Variants in ELF2 observed in about 807,000 individuals in gnomAD.
The protein encoded by ELF2 is ETS-related transcription factor Elf-2.
In ELF2, 11 loss-of-function variants were observed where a neutral mutation model predicts 54.8. The observed-to-expected ratio is 0.20, with a 90% CI of 0.13 to 0.33. The LOEUF (loss-of-function observed/expected upper bound fraction) is 0.33, where lower values mean the gene tolerates loss of function less well. ELF2 is among the 10% of genes least tolerant of loss of function. The probability of loss-of-function intolerance (pLI) is 1.00; values close to 1 mark genes in which losing one functional copy is unlikely to be tolerated. For missense variants in ELF2, 513 were observed against 703.0 expected, an observed-to-expected ratio of 0.73 and a Z score of 3.06; for synonymous variants, 203 against 245.1, an observed-to-expected ratio of 0.83 and a Z score of 1.61.
At chr4:139,087,113 T>C (rs1732061673) in intron 4 of ELF2, among the ~76,000 whole-genome samples, 1 of 152,230 alleles carries the variant, frequency 6.6e-6, no homozygotes, top group Non-Finnish European at 1.5e-5. Flanking sequence ...TGATCTGACT[T>C]AGGTTCATGT....
chr4:139,057,356 G>A lies in ELF2; in HGVS notation c.*1627C>T, dbSNP rs1179788895. Reference sequence around the variant, plus strand: ...AAACAATTTCTGACCTAAGTAGTATGTGATCAATTAAAAGACAAAAAATAT... The same window carrying A: ...AAACAATTTCTGACCTAAGTAGTATATGATCAATTAAAAGACAAAAAATAT... On this transcript the variant is annotated 3_prime_UTR_variant, in exon 10 of 10. Coordinates refer to ENST00000686138, the MANE Select transcript of ELF2 (RefSeq NM_001331036.3). The A allele has an allele frequency of 6.6e-6, 1 of 152,178 alleles. No individual in the cohort carries two copies. The highest frequency in any genetic ancestry group is 1.5e-5 in the Non-Finnish European group (1 of 68,032). 9.4% of individuals were successfully genotyped at this position (152,178 alleles called of 1,614,324 possible).
chr4:139,059,664 T>C, intron 9 of ELF2, 57 bp from the exon 10 acceptor site: 11 of 1,547,294 alleles, frequency 7.1e-6, no homozygotes, highest in Non-Finnish European at 9.5e-6. Context: ...AGAAAATAGG[T>C]CTCCTGAGTA....
At chr4:139,113,514 T>TCG (rs1735200453) in intron 4 of ELF2, among the ~76,000 whole-genome samples, 1 of 150,104 alleles carries the variant, frequency 6.7e-6, no homozygotes, top group Non-Finnish European at 1.5e-5. Flanking sequence ...TGAGCCAAGA[T>TCG]CGTGCCACTG....
chr4:139,062,049 TTG>T lies in ELF2; in HGVS notation c.620_621del (p.Thr207AsnfsTer14). ...TCTAAAAGAAACTCCCACAAATAGG[TTG>T]TGTTTCCTTTAAAAACAATGACAGA... Reference protein sequence around the residue: ...KKKPREGKGNTTYLWEFLLDL... With the variant: ...KKKPREGKGNXTYLWEFLLDL... On this transcript the variant is annotated frameshift_variant, in exon 8 of 10. Transcript: ENST00000686138. LOFTEE classifies it high-confidence loss of function. 6.2e-7 allele frequency: 1 copy of T among 1,611,028 alleles called. No homozygotes were observed. Among genetic ancestry groups the T allele is most frequent in the Non-Finnish European group, 8.5e-7 (1 of 1,179,168 alleles).
chr4:139,127,217 G>GA (rs2148839931), intron 3 of ELF2, among the ~76,000 whole-genome samples: 1 of 152,304 alleles, frequency 6.6e-6, no homozygotes, highest in South Asian at 2.1e-4. Context: ...GTTGGAGGAA[G>GA]ATTACCATGG....
At chr4:139,166,664 C>A (rs199541162) in intron 1 of ELF2, among the ~76,000 whole-genome samples, 8 of 152,040 alleles carry the variant, frequency 5.3e-5, no homozygotes, top group Non-Finnish European at 1.0e-4. Flanking sequence ...GTCAGGAGAT[C>A]GAGACCATCC....
At chr4:139,116,313 T>A (rs1735710674) in intron 4 of ELF2, among the ~76,000 whole-genome samples, 1 of 151,514 alleles carries the variant, frequency 6.6e-6, no homozygotes. Context: ...AAAACACTTA[T>A]TAAAAATTTA....
intron 3 of ELF2, among the ~76,000 whole-genome samples, chr4:139,129,328 T>C (rs542178621): frequency 1.3e-5 from 2 of 152,306 alleles, no homozygotes; most frequent in African/African-American, 4.8e-5. Flanking sequence ...ATCCTCAGTG[T>C]CTCCTTTCTT....
intron 3 of ELF2, among the ~76,000 whole-genome samples, chr4:139,131,897 A>C (rs566521860): frequency 1.4e-4 from 21 of 152,262 alleles, no homozygotes; most frequent in Admixed American, 1.2e-3. Flanking sequence ...AGGCAGTTAG[A>C]GCTATATACT....
At chr4:139,171,461 TCTG>T (rs767851683) in intron 1 of ELF2, among the ~76,000 whole-genome samples, 1 of 151,962 alleles carries the variant, frequency 6.6e-6, no homozygotes, top group Admixed American at 6.6e-5. Flanking sequence ...ATCGCCAAGG[TCTG>T]CTTTTTCACA....
intron 4 of ELF2, among the ~76,000 whole-genome samples, chr4:139,076,647 T>C (rs1206994465): frequency 6.6e-6 from 1 of 152,158 alleles, no homozygotes; most frequent in Non-Finnish European, 1.5e-5. Flanking sequence ...TCAATAATAA[T>C]ACAGCAAGAG....
intron 1 of ELF2, among the ~76,000 whole-genome samples, chr4:139,164,282 A>AT (rs1244443275): frequency 6.6e-6 from 1 of 151,504 alleles, no homozygotes; most frequent in Non-Finnish European, 1.5e-5. Flanking sequence ...AGGAAGGAAG[A>AT]TTTTTTCATA....
intron 1 of ELF2, among the ~76,000 whole-genome samples, chr4:139,170,716 C>CAT (rs1553978323): frequency 1.4e-5 from 2 of 142,724 alleles, no homozygotes; most frequent in African/African-American, 2.6e-5. Flanking sequence ...TATTACATTA[C>CAT]ATTATATTAT....
intron 1 of ELF2, among the ~76,000 whole-genome samples, chr4:139,156,945 C>T (rs976567271): frequency 2.6e-5 from 4 of 152,154 alleles, no homozygotes; most frequent in Admixed American, 6.5e-5. Context: ...TAATCTTACA[C>T]ATATATTCTT....
Position 139,177,034 on chromosome 4 carries a change from G to C in ELF2, c.-319C>G, listed in dbSNP as rs1204726697. 6.6e-6 allele frequency: 1 copy of C among 152,314 alleles called. No homozygotes were observed. The highest frequency in any genetic ancestry group is 2.4e-5 in the African/African-American group (1 of 41,450). The allele number at this position is 152,314 out of a possible 1,614,324, so 9.4% of individuals were successfully genotyped here. ...CTCTCAGCAGGGCCGCGGACTAGCCGCCGCCGTTGGCCGAGCGTCCGGAGG... is the reference window on the plus strand; with the variant it reads ...CTCTCAGCAGGGCCGCGGACTAGCCCCCGCCGTTGGCCGAGCGTCCGGAGG... On this transcript the variant is annotated 5_prime_UTR_variant, in exon 1 of 10. Transcript: ENST00000686138.
At position 139,059,066 on chromosome 4, in the gene ELF2, G is replaced by C. The variant is rs1727421150; in HGVS notation, c.1699C>G (p.His567Asp). The C allele has an allele frequency of 1.2e-6, 2 of 1,613,946 alleles. No homozygotes were observed. Among genetic ancestry groups the C allele is most frequent in the Non-Finnish European group, 1.7e-6 (2 of 1,179,854 alleles). Residue 567 changes from histidine to aspartate, a missense_variant, in exon 10 of 10, where the codon CAC becomes GAC. This residue lies in a region of ELF2 where 291 missense variants were observed against 366.1 expected (regional missense o/e 0.79). Transcript: ENST00000686138. Reference protein sequence around the residue: ...KPADGNKTVTHVVVVSAPSAI... With the variant: ...KPADGNKTVTDVVVVSAPSAI... ...GAAGGCGCACTGACAACCACTACGT[G>C]GGTCACTGTCTTATTTCCATCTGCT...
At chr4:139,092,278 T>C (rs1732680827) in intron 4 of ELF2, among the ~76,000 whole-genome samples, 1 of 151,480 alleles carries the variant, frequency 6.6e-6, no homozygotes, top group Non-Finnish European at 1.5e-5. Flanking sequence ...GGAGAATCTT[T>C]TGAACCCGGG....
chr4:139,058,844 T>C lies in ELF2; in HGVS notation c.*139A>G. 8.1e-7 allele frequency: 1 copy of C among 1,230,100 alleles called. No homozygotes were observed. Among genetic ancestry groups the C allele is most frequent in the Non-Finnish European group, 1.1e-6 (1 of 911,660 alleles). The allele number at this position is 1,230,100 out of a possible 1,614,324, so 76.2% of individuals were successfully genotyped here. A position where few individuals can be genotyped will look rare whatever the true frequency, so the allele number is the denominator to read the frequency against. On this transcript the variant is annotated 3_prime_UTR_variant, in exon 10 of 10. Transcript: ENST00000686138. Reference sequence around the variant, plus strand: ...CTGAAACATGGGATAGGTAATTTATTTCCAGTAAGTCTGATTGTTTTTGTA... The same window carrying C: ...CTGAAACATGGGATAGGTAATTTATCTCCAGTAAGTCTGATTGTTTTTGTA...
At chr4:139,142,089 G>A (rs1319617456) in intron 1 of ELF2, among the ~76,000 whole-genome samples, 1 of 152,138 alleles carries the variant, frequency 6.6e-6, no homozygotes, top group African/African-American at 2.4e-5. Context: ...TTACACTGCA[G>A]AGGAGAGAGA....
Sources: allele counts gnomAD v4.1 joint callset (sites outside exome capture counted in the v4.1 genomes callset), GRCh38; gene constraint gnomAD v4.1.1; regional missense constraint gnomAD v4.1.1; transcripts MANE v1.5; gene names NCBI Gene and HGNC (gene_info 2026-07-23, HGNC 2026-07-21).